The following STXBP3 variants were observed in gnomAD, a reference collection of about 807,000 sequenced individuals.
The protein encoded by STXBP3 is syntaxin binding protein 3.
Under a neutral mutation model 85.7 loss-of-function variants are expected in STXBP3, and 41 were observed. The ratio of observed to expected loss-of-function variants is 0.48; its 90% CI spans 0.37 to 0.62. STXBP3 has a LOEUF of 0.62. Ranked by LOEUF, STXBP3 falls within the 20% of genes least tolerant of loss-of-function variation. The probability of loss-of-function intolerance (pLI) is 0.00; values close to 1 mark genes in which losing one functional copy is unlikely to be tolerated. For synonymous variants in STXBP3, 229 were observed against 231.7 expected, an observed-to-expected ratio of 0.99 and a Z score of 0.10; for missense variants, 563 against 703.1, an observed-to-expected ratio of 0.80 and a Z score of 2.25.
chr1:108,759,952 G>A (rs748000610), intron 5 of STXBP3, 33 bp from the exon 6 acceptor site: 30 of 1,285,574 alleles, frequency 2.3e-5, no homozygotes, highest in Non-Finnish European at 3.2e-5. Flanking sequence ...AAATCTAGAT[G>A]TAACTATATG....
chr1:108,770,053 G>T (rs1193373584), intron 6 of STXBP3, among the ~76,000 whole-genome samples: 1 of 152,156 alleles, frequency 6.6e-6, no homozygotes, highest in Non-Finnish European at 1.5e-5. Flanking sequence ...ACTTTAGGAG[G>T]CCAAGGCGGA....
chr1:108,746,925 C>T (rs1661797540), intron 1 of STXBP3, 139 bp downstream of exon 1: 1 of 822,352 alleles, frequency 1.2e-6, no homozygotes, highest in Non-Finnish European at 2.0e-6. Flanking sequence ...GTGAGGACTT[C>T]TTCCTGCTTT....
intron 11 of STXBP3, among the ~76,000 whole-genome samples, chr1:108,787,578 G>T (rs1466471218): frequency 2.0e-5 from 3 of 151,936 alleles, no homozygotes; most frequent in Non-Finnish European, 4.4e-5. Context: ...AATACCTCCT[G>T]GTTCTGGCTG....
At chr1:108,756,619 TA>T (rs1412191523) in intron 3 of STXBP3, 70 bp from the exon 4 acceptor site, 1 of 842,802 alleles carries the variant, frequency 1.2e-6, no homozygotes, top group Non-Finnish European at 1.7e-6. Flanking sequence ...GAAAGTACAG[TA>T]AAGTTTATTT....
Position 108,800,270 on chromosome 1 carries a change from G to A in STXBP3, c.1500G>A (p.Gln500=). ...CAAAAGAATGGCCATATTGTTCCCA[G>A]TGTCCAGCAGTATGGAATGGTTCAG... The part of the protein sequence containing the change: ...LDSKEWPYCS[Q]CPAVWNGSGA... Residue 500 remains glutamine, a synonymous_variant, in exon 17 of 19, where the codon CAG becomes CAA. Transcript: ENST00000370008. 6.2e-7 allele frequency: 1 copy of A among 1,612,552 alleles called. No individual in the cohort carries two copies. The highest frequency in any genetic ancestry group is 1.1e-5 in the South Asian group (1 of 91,046).
rs1661790364 is a variant in STXBP3, at chr1:108,746,762, G to T, written c.25G>T (p.Gly9Trp). MAPPVAER[G>W]LKSVVWQKIK... ...GATGGCGCCGCCGGTGGCAGAGAGGGGGCTAAAGAGCGTCGTGTGGCAGAG... is the reference window on the plus strand; with the variant it reads ...GATGGCGCCGCCGGTGGCAGAGAGGTGGCTAAAGAGCGTCGTGTGGCAGAG... The change falls in exon 1 of 19, where the codon GGG (glycine) becomes TGG (tryptophan). Residue 9 changes from glycine to tryptophan, a missense_variant. Coordinates refer to ENST00000370008, the MANE Select transcript of STXBP3 (RefSeq NM_007269.4). 2 of 1,550,408 alleles carry T rather than the reference G, an allele frequency of 1.3e-6. No individual in the cohort carries two copies. Among genetic ancestry groups the T allele is most frequent in the Non-Finnish European group, 1.7e-6 (2 of 1,146,510 alleles).
Position 108,796,212 on chromosome 1 carries a change from AC to A in STXBP3, c.1111-21del, listed in dbSNP as rs781625799. On this transcript the variant is annotated intron_variant, in intron 13 of 18. Transcript: ENST00000370008. Reference sequence around the variant, plus strand: ...AATGAATTTTGGTTATAGATCACTGACAATATTTTATTTTCATTAAGGACCT... The same window carrying A: ...AATGAATTTTGGTTATAGATCACTGAAATATTTTATTTTCATTAAGGACCT... 5 of 1,600,846 alleles carry A rather than the reference AC, an allele frequency of 3.1e-6. No individual in the cohort carries two copies. In the Admixed American group the frequency reaches 8.9e-5, roughly 28 times the overall value.
chr1:108,768,363 G>T (rs1557804504), intron 6 of STXBP3, among the ~76,000 whole-genome samples: 1 of 152,190 alleles, frequency 6.6e-6, no homozygotes, highest in Non-Finnish European at 1.5e-5. Context: ...GCTTCCCAAA[G>T]TGCTGGGATT....
intron 6 of STXBP3, among the ~76,000 whole-genome samples, chr1:108,761,161 C>G (rs183515272): frequency 6.6e-6 from 1 of 152,196 alleles, no homozygotes; most frequent in African/African-American, 2.4e-5. Context: ...TATCCTCGGC[C>G]TTCCCAAGTG....
At chr1:108,782,744 G>T in intron 11 of STXBP3, 38 bp downstream of exon 11, 2 of 1,522,832 alleles carry the variant, frequency 1.3e-6, no homozygotes, top group South Asian at 2.4e-5. Context: ...AATAGTGAAG[G>T]TGAATTTTAA....
chr1:108,754,496 A>G (rs1161447076), intron 3 of STXBP3, among the ~76,000 whole-genome samples: 3 of 152,212 alleles, frequency 2.0e-5, no homozygotes, highest in Non-Finnish European at 2.9e-5. Context: ...AAGTTCTGAA[A>G]GGTCATTCTG....
chr1:108,758,054 A>G (rs1662057264), intron 4 of STXBP3, among the ~76,000 whole-genome samples: 1 of 152,036 alleles, frequency 6.6e-6, no homozygotes, highest in Non-Finnish European at 1.5e-5. Context: ...TAATCACTTG[A>G]TAGTTTAAGC....
chr1:108,785,377 G>A (rs1003359901), intron 11 of STXBP3, among the ~76,000 whole-genome samples: 9 of 152,142 alleles, frequency 5.9e-5, no homozygotes, highest in Non-Finnish European at 1.5e-5. Context: ...ACCATCTGAA[G>A]CAATGACCTG....
Position 108,771,611 on chromosome 1 carries a change from G to GAT in STXBP3, c.439-1047_439-1046dup, listed in dbSNP as rs1312730858. Among the ~76,000 whole-genome samples the GAT allele has an allele frequency of 1.5e-3, 87 of 57,684 alleles. 18 individuals carry two copies. Among genetic ancestry groups the GAT allele is most frequent in the Non-Finnish European group, 1.9e-3 (64 of 33,808 alleles). 37.8% of individuals were successfully genotyped at this position (57,684 alleles called of 152,430 possible). A position where few individuals can be genotyped will look rare whatever the true frequency, so the allele number is the denominator to read the frequency against. On this transcript the variant is annotated intron_variant, in intron 6 of 18. Transcript: ENST00000370008. ...ATATATATCATATATAAATATATAT[G>GAT]ATATATATCTATATATCATATATAA...
Position 108,772,786 on chromosome 1 carries a change from C to A in STXBP3, c.560C>A (p.Thr187Asn). 6.3e-7 allele frequency: 1 copy of A among 1,598,194 alleles called. No homozygotes were observed. Among genetic ancestry groups the A allele is most frequent in the African/African-American group, 1.3e-5 (1 of 74,144 alleles). ...GACCAGATAGTTACAGTGTGTGCCA[C>A]CTTGGATGAAAATCCCGGAGTAAGA... The part of the protein sequence containing the change: ...MADQIVTVCA[T>N]LDENPGVRYK... The change falls in exon 7 of 19, where the codon ACC (threonine) becomes AAC (asparagine). Residue 187 changes from threonine to asparagine, a missense_variant. By Grantham distance (65) the Thr-to-Asn change is moderately conservative. Transcript: ENST00000370008.
At chr1:108,757,046 A>G (rs1428593929) in intron 4 of STXBP3, 1 of 224,764 alleles carries the variant, frequency 4.4e-6, no homozygotes, top group East Asian at 1.0e-4. Context: ...TGCAGTTCCT[A>G]TTGAACTATA....
At chr1:108,777,177 AGT>A (rs1452517616) in intron 8 of STXBP3, among the ~76,000 whole-genome samples, 1 of 152,120 alleles carries the variant, frequency 6.6e-6, no homozygotes, top group African/African-American at 2.4e-5. Flanking sequence ...TTAGAAGAGG[AGT>A]TGTGCCAGGA....
chr1:108,806,757 AT>A (rs138513650), intron 17 of STXBP3, among the ~76,000 whole-genome samples: 5,849 of 151,314 alleles, frequency 0.039, 236 homozygotes, highest in African/African-American at 0.092. Flanking sequence ...CCACTCTCTA[AT>A]TTTTTTTTAA....
chr1:108,760,418 A>G (rs1662115055), intron 6 of STXBP3, among the ~76,000 whole-genome samples: 1 of 152,104 alleles, frequency 6.6e-6, no homozygotes, highest in Non-Finnish European at 1.5e-5. Context: ...ACCTTTTGTG[A>G]TATTAAAACA....
Sources: gnomAD v4.1 joint callset for allele counts (sites outside exome capture counted in the v4.1 genomes callset) on GRCh38, gnomAD v4.1.1 for gene constraint, MANE v1.5 for transcripts, NCBI Gene and HGNC (gene_info 2026-07-23, HGNC 2026-07-21) for gene names.